UNC13C: variants seen among roughly 807,000 people sequenced by gnomAD.
The protein encoded by UNC13C is unc-13 homolog C.
Under a neutral mutation model 245.4 loss-of-function variants are expected in UNC13C, and 174 were observed. The observed-to-expected ratio is 0.71, with a 90% CI of 0.63 to 0.80. The LOEUF is 0.80. Ranked by LOEUF, UNC13C falls within the 30% of genes least tolerant of loss-of-function variation. The pLI is 0.00. For missense variants in UNC13C, 2,829 were observed against 2,602.9 expected, an observed-to-expected ratio of 1.09 and a Z score of -1.89; for synonymous variants, 992 against 895.1, an observed-to-expected ratio of 1.11 and a Z score of -1.93.
At chr15:54,227,991 A>T (rs1191175122) in intron 4 of UNC13C, among the ~76,000 whole-genome samples, 1 of 152,144 alleles carries the variant, frequency 6.6e-6, no homozygotes, top group East Asian at 1.9e-4. Context: ...CAGGAGCTGG[A>T]GTCTGAAGTC....
the UNC13C span, among the ~76,000 whole-genome samples, chr15:53,910,000 T>A: frequency 6.9e-6 from 1 of 145,562 alleles, no homozygotes; most frequent in Admixed American, 7.1e-5. Context: ...AATACTTTTT[T>A]TTTTTTTTTA....
chr15:54,568,060 T>C, intron 30 of UNC13C, 113 bp downstream of exon 30: 2 of 758,374 alleles, frequency 2.6e-6, no homozygotes, highest in Non-Finnish European at 3.8e-6. Context: ...AATTGAAGTA[T>C]CATTAAAAAT....
chr15:54,421,728 T>C (rs2040648698), intron 19 of UNC13C, among the ~76,000 whole-genome samples: 1 of 152,098 alleles, frequency 6.6e-6, no homozygotes, highest in Non-Finnish European at 1.5e-5. Context: ...CTCATCCTTA[T>C]GCAAGTAGAA....
At chr15:54,336,332 A>T (rs2038574462) in intron 16 of UNC13C, among the ~76,000 whole-genome samples, 1 of 152,028 alleles carries the variant, frequency 6.6e-6, no homozygotes, top group South Asian at 2.1e-4. Context: ...TTCTTCAAGA[A>T]TACAGTAGTC....
intron 8 of UNC13C, among the ~76,000 whole-genome samples, chr15:54,251,621 CTTTA>C (rs1352752855): frequency 1.3e-5 from 2 of 152,140 alleles, no homozygotes; most frequent in East Asian, 3.9e-4. Flanking sequence ...CTTTTCACTA[CTTTA>C]TTTATTTGGT....
intron 2 of UNC13C, among the ~76,000 whole-genome samples, chr15:54,066,766 G>A (rs1898094723): frequency 6.6e-6 from 1 of 152,134 alleles, no homozygotes; most frequent in Non-Finnish European, 1.5e-5. Flanking sequence ...TTTGGGCACT[G>A]AAAATTGAGG....
At chr15:54,200,936 G>A (rs997539013) in intron 4 of UNC13C, among the ~76,000 whole-genome samples, 10 of 151,918 alleles carry the variant, frequency 6.6e-5, no homozygotes, top group Non-Finnish European at 1.5e-4. Context: ...GATTAACCAA[G>A]AAAAGAGAGA....
At chr15:54,501,039 T>C (rs1269784014) in intron 22 of UNC13C, 61 bp downstream of exon 22, 3 of 1,567,032 alleles carry the variant, frequency 1.9e-6, no homozygotes, top group African/African-American at 1.4e-5. Context: ...AAAAATGCTA[T>C]TGTTTTGTGG....
intron 4 of UNC13C, among the ~76,000 whole-genome samples, chr15:54,184,680 G>C (rs2141310612): frequency 6.6e-6 from 1 of 152,264 alleles, no homozygotes; most frequent in East Asian, 1.9e-4. Context: ...TTGGACATTT[G>C]GGTTGGTTCC....
intron 1 of UNC13C, among the ~76,000 whole-genome samples, chr15:53,993,921 A>G (rs1025605635): frequency 6.6e-6 from 1 of 152,038 alleles, no homozygotes; most frequent in Non-Finnish European, 1.5e-5. Context: ...TATTGAAGAG[A>G]GAGATTTTAC....
rs1411009569 is a variant in UNC13C, at chr15:54,322,069, G to C, written c.4399G>C (p.Asp1467His). 1.3e-6 allele frequency: 2 copies of C among 1,583,584 alleles called. No individual in the cohort carries two copies. The highest frequency in any genetic ancestry group is 1.7e-6 in the Non-Finnish European group (2 of 1,164,538). Residue 1467 changes from aspartate to histidine, a missense_variant, in exon 14 of 33, where the codon GAT (aspartate) becomes CAT (histidine). Coordinates refer to ENST00000260323, the MANE Select transcript of UNC13C (RefSeq NM_001080534.3). Reference protein sequence around the residue: ...VSTNIQVSASDRFAATNFGRE... With the variant: ...VSTNIQVSASHRFAATNFGRE... ...AACAAACATACAGGTTTCTGCCTCAGATCGATTTGCTGCTACCAACTTTGG... is the reference window on the plus strand; with the variant it reads ...AACAAACATACAGGTTTCTGCCTCACATCGATTTGCTGCTACCAACTTTGG...
intron 4 of UNC13C, among the ~76,000 whole-genome samples, chr15:54,188,463 A>T (rs961020810): frequency 4.6e-5 from 7 of 152,180 alleles, no homozygotes; most frequent in Non-Finnish European, 8.8e-5. Context: ...AGATTTTATG[A>T]TAATGATAAT....
chr15:54,602,201 A>G (rs562482346), intron 30 of UNC13C, among the ~76,000 whole-genome samples: 3 of 152,250 alleles, frequency 2.0e-5, no homozygotes, highest in Non-Finnish European at 4.4e-5. Flanking sequence ...GGAGTTGTGC[A>G]GCCTGGAGGT....
intron 17 of UNC13C, among the ~76,000 whole-genome samples, chr15:54,359,117 A>C (rs1437812402): frequency 6.6e-6 from 1 of 151,756 alleles, no homozygotes; most frequent in Non-Finnish European, 1.5e-5. Context: ...TGTTAGTATG[A>C]TGTATTACGT....
At chr15:54,225,275 A>G (rs2035348320) in intron 4 of UNC13C, among the ~76,000 whole-genome samples, 1 of 151,802 alleles carries the variant, frequency 6.6e-6, no homozygotes, top group Non-Finnish European at 1.5e-5. Flanking sequence ...TTCGCTTAGG[A>G]TAGTCTTGGC....
intron 28 of UNC13C, among the ~76,000 whole-genome samples, chr15:54,551,906 T>G (rs910950434): frequency 1.3e-5 from 2 of 151,858 alleles, no homozygotes; most frequent in African/African-American, 4.8e-5. Context: ...TCCTCTTATT[T>G]TATTAGAATG....
At chr15:54,603,400 G>C (rs2141275927) in intron 30 of UNC13C, among the ~76,000 whole-genome samples, 1 of 152,274 alleles carries the variant, frequency 6.6e-6, no homozygotes, top group Non-Finnish European at 1.5e-5. Flanking sequence ...CCTGTATAGT[G>C]AAAGATGCTT....
downstream of UNC13C, chr15:54,632,879 C>G (rs1264544113): frequency 2.0e-5 from 3 of 152,148 alleles, no homozygotes; most frequent in Non-Finnish European, 2.9e-5. Context: ...AAAATTTTAA[C>G]AGCCAGCCAG....
chr15:54,221,541 C>T lies in UNC13C; in HGVS notation c.3072-13489C>T, dbSNP rs138324280. On this transcript the variant is annotated intron_variant, in intron 4 of 32. Transcript: ENST00000260323. ...CAAATAGGTTTTCATAGGTTATCATCAAATAACTAACTAAATAAAAAGAGT... is the reference window on the plus strand; with the variant it reads ...CAAATAGGTTTTCATAGGTTATCATTAAATAACTAACTAAATAAAAAGAGT... Among the ~76,000 whole-genome samples the T allele has an allele frequency of 1.4e-3, 205 of 151,740 alleles. 1 individual carries two copies. The highest frequency in any genetic ancestry group is 4.6e-3 in the African/African-American group (192 of 41,454).
Sources: gnomAD v4.1 joint callset for allele counts (sites outside exome capture counted in the v4.1 genomes callset) on GRCh38, gnomAD v4.1.1 for gene constraint, MANE v1.5 for transcripts, NCBI Gene and HGNC (gene_info 2026-07-23, HGNC 2026-07-21) for gene names.